PIK3CA: variants seen among roughly 807,000 people sequenced by gnomAD.
The protein encoded by PIK3CA is phosphatidylinositol 4,5-bisphosphate 3-kinase catalytic subunit alpha isoform.
A neutral mutation model predicts 138.2 loss-of-function variants in PIK3CA; 27 were observed. That is an observed-to-expected ratio of 0.20 (90% confidence interval 0.14 to 0.27). PIK3CA has a LOEUF of 0.27. PIK3CA is among the 10% of genes least tolerant of loss of function. PIK3CA has a pLI of 1.00. For synonymous variants in PIK3CA, 358 were observed against 413.2 expected (o/e 0.87, Z 1.62); for missense variants, 544 against 1,277.4 (o/e 0.43, Z 8.75).
rs2108385417 is a variant in PIK3CA at position 179,198,936 on chromosome 3, C to A, written c.111C>A (p.Leu37=). Residue 37 remains leucine, a synonymous_variant, in exon 2 of 21, where the codon CTC becomes CTA. Coordinates refer to ENST00000263967, the MANE Select transcript of PIK3CA (RefSeq NM_006218.4). The stretch of plus-strand genomic sequence containing the variant: ...GAATGATAGTGACTTTAGAATGCCT[C>A]CGTGAGGCTACATTAATAACCATAA... ...PNGMIVTLEC[L]REATLITIKH... is the part of the protein sequence containing the mutation. 1 of 1,612,432 alleles carries A rather than the reference C, an allele frequency of 6.2e-7. No homozygotes were observed. The highest frequency in any genetic ancestry group is 8.5e-7 in the Non-Finnish European group (1 of 1,178,938).
intron 1 of PIK3CA, among the ~76,000 whole-genome samples, chr3:179,168,732 A>C (rs1448516448): frequency 6.6e-6 from 1 of 151,984 alleles, no homozygotes; most frequent in Non-Finnish European, 1.5e-5. Context: ...TATCCTTATG[A>C]TTTTATTTTT....
chr3:179,172,695 T>A (rs1267987484), intron 1 of PIK3CA, among the ~76,000 whole-genome samples: 1 of 152,138 alleles, frequency 6.6e-6, no homozygotes, highest in African/African-American at 2.4e-5. Flanking sequence ...CACTACAAAA[T>A]ATTGTTGATG....
chr3:179,215,838 T>C (rs150917311), intron 9 of PIK3CA, among the ~76,000 whole-genome samples: 2 of 152,264 alleles, frequency 1.3e-5, no homozygotes, highest in East Asian at 1.9e-4. Context: ...AATCATAATA[T>C]GAATGTAGAT....
At chr3:179,202,747 T>A (rs1376645137) in intron 4 of PIK3CA, among the ~76,000 whole-genome samples, 1 of 152,206 alleles carries the variant, frequency 6.6e-6, no homozygotes, top group Non-Finnish European at 1.5e-5. Flanking sequence ...CTCCACTATT[T>A]GTGGTTTTTT....
At chr3:179,197,434 C>T (rs1334889079) in intron 1 of PIK3CA, among the ~76,000 whole-genome samples, 2 of 152,222 alleles carry the variant, frequency 1.3e-5, no homozygotes. Context: ...GAACCTGGCA[C>T]TTCTCCAGGA....
In PIK3CA at chr3:179,219,211, T is replaced by C; in HGVS notation, c.1680T>C (p.Thr560=). 2 of 1,598,382 alleles carry C rather than the reference T, an allele frequency of 1.3e-6. No individual in the cohort carries two copies. The highest frequency in any genetic ancestry group is 1.1e-5 in the South Asian group (1 of 90,670). Residue 560 remains threonine (T), a synonymous_variant, in exon 11 of 21, where the codon ACT becomes ACC. Coordinates refer to ENST00000263967, the MANE Select transcript of PIK3CA (RefSeq NM_006218.4). The surrounding 1 kb of genome is among the most constrained non-coding windows in gnomAD (Gnocchi z 4.2). The stretch of plus-strand genomic sequence containing the variant: ...TCCCACACAGACACTATTGTGTAAC[T>C]ATCCCCGAAATTCTACCCAAATTGC... ...FLWSHRHYCV[T]IPEILPKLLL...
upstream of PIK3CA, chr3:179,148,160 C>T (rs1399496677): frequency 6.7e-6 from 1 of 148,638 alleles, no homozygotes; most frequent in African/African-American, 2.6e-5. Flanking sequence ...TTACCCTCTT[C>T]TGCCGGAGGA....
At chr3:179,166,457 T>C (rs1412568787) in intron 1 of PIK3CA, among the ~76,000 whole-genome samples, 1 of 152,244 alleles carries the variant, frequency 6.6e-6, no homozygotes, top group Non-Finnish European at 1.5e-5. Flanking sequence ...TTTTACATCA[T>C]ATTCACACTT....
At chr3:179,224,227 AC>A in intron 15 of PIK3CA, 40 bp downstream of exon 15, 1 of 960,052 alleles carries the variant, frequency 1.0e-6, no homozygotes, top group African/African-American at 1.6e-5. Flanking sequence ...TTAAATAAAT[AC>A]CTTTTCTGGA....
At chr3:179,221,266 G>A (rs971039289) in intron 14 of PIK3CA, 109 bp downstream of exon 14, 52 of 707,206 alleles carry the variant, frequency 7.4e-5, no homozygotes, top group Non-Finnish European at 1.2e-4. Context: ...AGCAGATTAG[G>A]ATTTGGAACC....
At chr3:179,195,742 T>C (rs1724251025) in intron 1 of PIK3CA, among the ~76,000 whole-genome samples, 1 of 152,216 alleles carries the variant, frequency 6.6e-6, no homozygotes, top group African/African-American at 2.4e-5. Flanking sequence ...ACTTCACTTC[T>C]GATCTTCAGT....
rs199543283 is a variant in PIK3CA at position 179,199,751 on chromosome 3, C to T, written c.414C>T (p.Asp138=). 5.6e-6 allele frequency: 9 copies of T among 1,613,418 alleles called. No homozygotes were observed. The highest frequency in any genetic ancestry group is 7.6e-6 in the Non-Finnish European group (9 of 1,179,484). Reference sequence around the variant, plus strand: ...TGGTTAAAGATCCAGAAGTACAGGACTTCCGAAGAAATATTCTGAACGTTT... The same window carrying T: ...TGGTTAAAGATCCAGAAGTACAGGATTTCCGAAGAAATATTCTGAACGTTT... The part of the protein sequence containing the change: ...FDMVKDPEVQ[D]FRRNILNVCK... Residue 138 remains aspartate (D), a synonymous_variant, in exon 3 of 21, where the codon GAC becomes GAT. Coordinates refer to ENST00000263967, the MANE Select transcript of PIK3CA (RefSeq NM_006218.4).
intron 1 of PIK3CA, among the ~76,000 whole-genome samples, chr3:179,198,355 G>T (rs1724319876): frequency 6.6e-6 from 1 of 152,118 alleles, no homozygotes; most frequent in Non-Finnish European, 1.5e-5. Context: ...GATTGTTTCT[G>T]GCCTAAATTC....
intron 1 of PIK3CA, among the ~76,000 whole-genome samples, chr3:179,194,312 C>T (rs1263706072): frequency 6.6e-6 from 1 of 152,160 alleles, no homozygotes; most frequent in Non-Finnish European, 1.5e-5. Flanking sequence ...CAGCCTTGAC[C>T]TCCCAGGCTA....
At chr3:179,223,826 A>G (rs1490086598) in intron 14 of PIK3CA, among the ~76,000 whole-genome samples, 1 of 152,192 alleles carries the variant, frequency 6.6e-6, no homozygotes, top group Non-Finnish European at 1.5e-5. Flanking sequence ...CTCTACAGCC[A>G]AAAGCATTGC....
At chr3:179,170,061 T>C (rs9862294) in intron 1 of PIK3CA, among the ~76,000 whole-genome samples, 38,203 of 127,994 alleles carry the variant, frequency 0.3, 5,793 homozygotes, top group African/African-American at 0.48. Context: ...CACATGCGCG[T>C]GCACACGCGC....
intron 1 of PIK3CA, among the ~76,000 whole-genome samples, chr3:179,156,690 A>G (rs1723146674): frequency 6.6e-6 from 1 of 152,280 alleles, no homozygotes; most frequent in Middle Eastern, 3.4e-3. Flanking sequence ...CAACTTTTGA[A>G]TATTTTTTAA....
chr3:179,173,733 GT>G (rs1276727689), intron 1 of PIK3CA, among the ~76,000 whole-genome samples: 2 of 151,974 alleles, frequency 1.3e-5, no homozygotes, highest in African/African-American at 4.8e-5. Flanking sequence ...GTGTTTTTTT[GT>G]TTTTGTTTAG....
At chr3:179,204,372 A>C in intron 5 of PIK3CA, 131 bp from the exon 6 acceptor site, 1 of 508,382 alleles carries the variant, frequency 2.0e-6, no homozygotes, top group East Asian at 2.9e-5. Flanking sequence ...AACGTGTTAC[A>C]TATGTGAAAA....
Sources: gnomAD v4.1 joint callset for allele counts (sites outside exome capture counted in the v4.1 genomes callset) on GRCh38, gnomAD v4.1.1 for gene constraint, Gnocchi (gnomAD v3.1) non-coding constraint, MANE v1.5 for transcripts, NCBI Gene and HGNC (gene_info 2026-07-23, HGNC 2026-07-21) for gene names.